The following PRKN variants were observed in gnomAD, a reference collection of about 807,000 sequenced individuals.
The protein encoded by PRKN is parkin RBR E3 ubiquitin protein ligase.
Under a neutral mutation model 59.5 loss-of-function variants are expected in PRKN, and 56 were observed. The ratio of observed to expected loss-of-function variants is 0.94; its 90% CI spans 0.76 to 1.18. PRKN has a LOEUF of 1.18. PRKN is among the 50% of genes most tolerant of loss of function. The probability of loss-of-function intolerance (pLI) is 0.00; values close to 1 mark genes in which losing one functional copy is unlikely to be tolerated. For missense variants in PRKN, 657 were observed against 596.4 expected (o/e 1.10, Z -1.06); for synonymous variants, 250 against 222.1 (o/e 1.13, Z -1.12).
At chr6:162,096,051 C>T (rs1049252586) in intron 4 of PRKN, among the ~76,000 whole-genome samples, 5 of 152,162 alleles carry the variant, frequency 3.3e-5, no homozygotes, top group Non-Finnish European at 5.9e-5. Context: ...TCCTTTGGAG[C>T]ACTTATTTCA....
chr6:162,122,191 A>G (rs1019477739), intron 4 of PRKN, among the ~76,000 whole-genome samples: 20 of 152,096 alleles, frequency 1.3e-4, no homozygotes, highest in African/African-American at 4.6e-4. Flanking sequence ...AGCCTCTCCT[A>G]TTTACCAGAT....
At chr6:162,402,310 G>A (rs1260793829) in intron 2 of PRKN, among the ~76,000 whole-genome samples, 1 of 151,546 alleles carries the variant, frequency 6.6e-6, no homozygotes, top group Non-Finnish European at 1.5e-5. Context: ...TTATTCCAGC[G>A]TTTGCCAACC....
intron 5 of PRKN, among the ~76,000 whole-genome samples, chr6:161,993,084 A>C (rs111289864): frequency 0.078 from 11,915 of 152,152 alleles, 529 homozygotes; most frequent in Middle Eastern, 0.11. Flanking sequence ...CAAAGTTAGT[A>C]GAAGGAAAGA....
intron 8 of PRKN, among the ~76,000 whole-genome samples, chr6:161,558,102 C>G (rs1238188942): frequency 3.3e-5 from 5 of 152,170 alleles, no homozygotes; most frequent in East Asian, 1.9e-4. Context: ...TCTCTGTCCA[C>G]TCTGTGAAGT....
chr6:162,658,658 C>CAAAAAAAAAAAAAAGAA (rs1778752449), intron 1 of PRKN, among the ~76,000 whole-genome samples: 1 of 109,112 alleles, frequency 9.2e-6, no homozygotes, highest in Non-Finnish European at 1.9e-5. Flanking sequence ...GAGACTCTGT[C>CAAAAAAAAAAAAAAGAA]AAAAAAAAAA....
At chr6:162,133,684 G>A (rs1781460821) in intron 4 of PRKN, among the ~76,000 whole-genome samples, 1 of 152,098 alleles carries the variant, frequency 6.6e-6, no homozygotes, top group African/African-American at 2.4e-5. Context: ...TGAGATATGG[G>A]TGCTCAGTTC....
chr6:162,291,949 A>G (rs1355639352), intron 2 of PRKN, among the ~76,000 whole-genome samples: 1 of 140,020 alleles, frequency 7.1e-6, no homozygotes, highest in Non-Finnish European at 1.5e-5. Flanking sequence ...AGTTATTACT[A>G]TTATTATTAT....
intron 2 of PRKN, among the ~76,000 whole-genome samples, chr6:162,346,895 A>C (rs1784426177): frequency 6.6e-6 from 1 of 151,916 alleles, no homozygotes; most frequent in Non-Finnish European, 1.5e-5. Context: ...ATATCTATAT[A>C]TGTGTCTATA....
intron 6 of PRKN, among the ~76,000 whole-genome samples, chr6:161,856,325 A>G (rs943774311): frequency 2.4e-4 from 37 of 151,912 alleles, no homozygotes; most frequent in Non-Finnish European, 7.4e-5. Context: ...GCGCCACTGC[A>G]CTCCAGCCTG....
chr6:161,912,047 G>A (rs7453985), intron 6 of PRKN, among the ~76,000 whole-genome samples: 11,391 of 151,616 alleles, frequency 0.075, 557 homozygotes, highest in South Asian at 0.15. Flanking sequence ...GTGTGATGGC[G>A]GGCACCTGTA....
intron 5 of PRKN, among the ~76,000 whole-genome samples, chr6:162,011,086 T>A (rs371125142): frequency 5.5e-4 from 6 of 10,978 alleles, no homozygotes; most frequent in African/African-American, 2.7e-3. Flanking sequence ...ATAATATATA[T>A]TATAATATAT....
intron 7 of PRKN, among the ~76,000 whole-genome samples, chr6:161,585,028 C>A (rs1781473257): frequency 6.6e-6 from 1 of 152,146 alleles, no homozygotes; most frequent in African/African-American, 2.4e-5. Flanking sequence ...CCAAACAGAA[C>A]ACTTCAGAAT....
At chr6:162,655,353 T>C (rs1778606459) in intron 1 of PRKN, among the ~76,000 whole-genome samples, 2 of 152,176 alleles carry the variant, frequency 1.3e-5, no homozygotes, top group Non-Finnish European at 1.5e-5. Flanking sequence ...AAGTAAACCG[T>C]AGGGATTTTT....
chr6:161,883,508 G>C (rs940610487), intron 6 of PRKN, among the ~76,000 whole-genome samples: 1 of 149,940 alleles, frequency 6.7e-6, no homozygotes, highest in African/African-American at 2.4e-5. Context: ...GGGAAGGGAA[G>C]GTGGGGAGGG....
At chr6:162,005,795 T>A (rs978769903) in intron 5 of PRKN, among the ~76,000 whole-genome samples, 1 of 152,092 alleles carries the variant, frequency 6.6e-6, no homozygotes, top group African/African-American at 2.4e-5. Flanking sequence ...AAAGTTAACT[T>A]TAGAAAACCG....
At chr6:162,482,264 T>C (rs1213732858) in intron 1 of PRKN, among the ~76,000 whole-genome samples, 1 of 152,220 alleles carries the variant, frequency 6.6e-6, no homozygotes, top group Non-Finnish European at 1.5e-5. Context: ...TGGCTTTTCA[T>C]ACTTTCACAA....
At chr6:162,702,589 T>C (rs1778196433) in intron 1 of PRKN, among the ~76,000 whole-genome samples, 1 of 152,214 alleles carries the variant, frequency 6.6e-6, no homozygotes, top group African/African-American at 2.4e-5. Context: ...CCTAATCATA[T>C]TCATCTCCTA....
intron 6 of PRKN, among the ~76,000 whole-genome samples, chr6:161,922,007 TTGAC>T (rs1562392162): frequency 6.6e-6 from 1 of 152,212 alleles, no homozygotes; most frequent in African/African-American, 2.4e-5. Flanking sequence ...CTGAGAAACA[TTGAC>T]TGAATTTCTC....
At position 161,393,328 on chromosome 6, in the gene PRKN, A is replaced by G. The variant is rs922492627; in HGVS notation, c.1084-6451T>C. ...AATGACTGTTATGTGAATCTCGGGT[A>G]AAACTGACACCTCCCCAGAAATGCC... On this transcript the variant is annotated intron_variant, in intron 9 of 11. Transcript: ENST00000366898. This position sits in a 1 kb window ranked among gnomAD's most constrained non-coding sequence, Gnocchi z 4.7. Among the ~76,000 whole-genome samples, 2 of 152,120 alleles carry G rather than the reference A, an allele frequency of 1.3e-5. No individual in the cohort carries two copies. Among genetic ancestry groups the G allele is most frequent in the African/African-American group, 2.4e-5 (1 of 41,396 alleles).
Sources: gnomAD v4.1 joint callset for allele counts (sites outside exome capture counted in the v4.1 genomes callset) on GRCh38, gnomAD v4.1.1 for gene constraint, Gnocchi (gnomAD v3.1) non-coding constraint, MANE v1.5 for transcripts, NCBI Gene and HGNC (gene_info 2026-07-23, HGNC 2026-07-21) for gene names.